The following HPSE2 variants were observed in gnomAD, a reference collection of about 807,000 sequenced individuals.
The protein encoded by HPSE2 is inactive heparanase-2.
Under a neutral mutation model 60.5 loss-of-function variants are expected in HPSE2, and 38 were observed. The ratio of observed to expected loss-of-function variants is 0.63; its 90% CI spans 0.48 to 0.82. HPSE2 has a LOEUF of 0.82. Among genes scored for constraint, HPSE2 ranks in the 40% least tolerant of loss-of-function variants. The pLI, the probability that HPSE2 is intolerant of heterozygous loss-of-function variation, is 0.00. For missense variants in HPSE2, 713 were observed against 740.4 expected (o/e 0.96, Z 0.43); for synonymous variants, 295 against 293.2 (o/e 1.01, Z -0.06).
intron 9 of HPSE2, among the ~76,000 whole-genome samples, chr10:98,533,046 A>G (rs1174392779): frequency 6.6e-6 from 1 of 152,172 alleles, no homozygotes; most frequent in African/African-American, 2.4e-5. Flanking sequence ...TGGAGCCTCA[A>G]TCTTCTCAGT....
chr10:98,591,661 C>CAAAAT (rs1177932160), intron 9 of HPSE2, among the ~76,000 whole-genome samples: 5 of 151,060 alleles, frequency 3.3e-5, no homozygotes, highest in Non-Finnish European at 7.4e-5. Context: ...GACTCTATCT[C>CAAAAT]AAAATAAAAT....
At chr10:98,886,941 G>A (rs1045635077) in intron 3 of HPSE2, among the ~76,000 whole-genome samples, 9 of 152,112 alleles carry the variant, frequency 5.9e-5, no homozygotes, top group African/African-American at 1.4e-4. Flanking sequence ...ATTAAATGAT[G>A]TGGTCAGATC....
At chr10:98,707,965 A>C (rs1304569536) in intron 5 of HPSE2, among the ~76,000 whole-genome samples, 2 of 152,146 alleles carry the variant, frequency 1.3e-5, no homozygotes, top group African/African-American at 2.4e-5. Context: ...TAGTAAGGAG[A>C]TCTATGGAAT....
the HPSE2 span, among the ~76,000 whole-genome samples, chr10:99,273,315 G>A: frequency 2.0e-5 from 3 of 152,122 alleles, no homozygotes; most frequent in African/African-American, 4.8e-5. Flanking sequence ...TGGCTACAGT[G>A]TACACTGTTC....
In HPSE2 at chr10:98,888,176, G is replaced by A. The variant is rs1388713377; in HGVS notation, c.611-144120C>T. On this transcript the variant is annotated intron_variant, in intron 3 of 11. Transcript: ENST00000370552. ...CACACACACACACACACACACACAT[G>A]CATGATAAGGTCTAAAGAAATCAGC... is the stretch of plus-strand genomic sequence containing the variant. Among the ~76,000 whole-genome samples the A allele has an allele frequency of 6.5e-3, 821 of 125,668 alleles. 6 individuals carry two copies. The highest frequency in any genetic ancestry group is 0.026 in the African/African-American group (773 of 30,048). 82.4% of individuals were successfully genotyped at this position (125,668 alleles called of 152,430 possible).
intron 9 of HPSE2, among the ~76,000 whole-genome samples, chr10:98,492,800 AT>A (rs149582682): frequency 6.6e-5 from 10 of 151,304 alleles, no homozygotes; most frequent in South Asian, 4.2e-4. Context: ...TTTTTTCCCA[AT>A]TTTTTTTTAC....
At chr10:98,994,946 G>A (rs1229435619) in intron 3 of HPSE2, among the ~76,000 whole-genome samples, 1 of 152,178 alleles carries the variant, frequency 6.6e-6, no homozygotes, top group Non-Finnish European at 1.5e-5. Flanking sequence ...AGCACCTTTG[G>A]GCCAAGACCT....
chr10:99,042,834 A>G (rs1453577504), intron 3 of HPSE2, among the ~76,000 whole-genome samples: 3 of 152,180 alleles, frequency 2.0e-5, no homozygotes, highest in Non-Finnish European at 4.4e-5. Flanking sequence ...CCACACTGCA[A>G]TACAGAGCAG....
At chr10:98,985,054 T>G (rs551156167) in intron 3 of HPSE2, among the ~76,000 whole-genome samples, 1 of 152,332 alleles carries the variant, frequency 6.6e-6, no homozygotes, top group Admixed American at 6.5e-5. Flanking sequence ...GGAACCAAGT[T>G]GGAAAACACT....
chr10:99,264,070 T>C, the HPSE2 span, among the ~76,000 whole-genome samples: 2 of 152,000 alleles, frequency 1.3e-5, no homozygotes, highest in South Asian at 4.2e-4. Context: ...CTCCTGGCAG[T>C]TTCTTTTCTT....
intron 3 of HPSE2, among the ~76,000 whole-genome samples, chr10:98,935,334 C>T (rs1360640476): frequency 4.2e-5 from 6 of 142,936 alleles, no homozygotes; most frequent in African/African-American, 1.7e-4. Context: ...TTGCTGGAGA[C>T]GAGTTACAAT....
At chr10:99,089,214 T>G (rs936783072) in intron 3 of HPSE2, among the ~76,000 whole-genome samples, 27 of 152,236 alleles carry the variant, frequency 1.8e-4, no homozygotes, top group Non-Finnish European at 5.9e-5. Context: ...TGGTTGCATT[T>G]GCTTTTGGGT....
chr10:99,222,619 T>C (rs781300547), intron 2 of HPSE2, among the ~76,000 whole-genome samples: 2 of 152,174 alleles, frequency 1.3e-5, no homozygotes, highest in Non-Finnish European at 2.9e-5. Context: ...TTCTCTTTTT[T>C]CCTGAAATTT....
At chr10:98,796,532 A>G (rs892934210) in intron 3 of HPSE2, among the ~76,000 whole-genome samples, 28 of 152,154 alleles carry the variant, frequency 1.8e-4, no homozygotes, top group Admixed American at 6.5e-5. Flanking sequence ...GTAAATTTCT[A>G]AAGTTTTTGA....
chr10:99,212,318 A>G (rs1406698171), intron 2 of HPSE2, among the ~76,000 whole-genome samples: 1 of 152,154 alleles, frequency 6.6e-6, no homozygotes, highest in Admixed American at 6.5e-5. Context: ...ATATATATAC[A>G]TAGGAAATGA....
intron 9 of HPSE2, among the ~76,000 whole-genome samples, chr10:98,506,001 A>G (rs568094724): frequency 6.6e-6 from 1 of 152,098 alleles, no homozygotes; most frequent in South Asian, 2.1e-4. Context: ...GCTCAGTTAT[A>G]GACACTTCGG....
the HPSE2 span, among the ~76,000 whole-genome samples, chr10:99,252,038 CACAT>C: frequency 6.6e-6 from 1 of 151,768 alleles, no homozygotes; most frequent in Non-Finnish European, 1.5e-5. Flanking sequence ...TGTCTTGAAA[CACAT>C]ACATACATAC....
chr10:99,120,618 C>A (rs1222454532), intron 3 of HPSE2, among the ~76,000 whole-genome samples: 1 of 152,086 alleles, frequency 6.6e-6, no homozygotes, highest in African/African-American at 2.4e-5. Context: ...GGATTACAGG[C>A]ATGTGCCACC....
rs147671120 is a variant in HPSE2 at position 98,937,138 on chromosome 10, C to T, written c.611-193082G>A. Among the ~76,000 whole-genome samples, 70 of 143,974 alleles carry T rather than the reference C, an allele frequency of 4.9e-4. 4 individuals are homozygous for T. In the East Asian group the frequency reaches 6.5e-3, roughly 13 times the overall value. 94.5% of individuals were successfully genotyped at this position (143,974 alleles called of 152,430 possible). ...GCTGAGTAGGAACAGCTCTGGTCTA[C>T]AGCTCCCAGCGTTAAGCGACACAGA... On this transcript the variant is annotated intron_variant, in intron 3 of 11. Transcript: ENST00000370552.
Sources: allele counts gnomAD v4.1 joint callset (sites outside exome capture counted in the v4.1 genomes callset), GRCh38; gene constraint gnomAD v4.1.1; transcripts MANE v1.5; gene names NCBI Gene and HGNC (gene_info 2026-07-23, HGNC 2026-07-21).